Variants in COL8A1 observed in about 807,000 individuals in gnomAD.
COL8A1 encodes the protein collagen type VIII alpha 1 chain.
A neutral mutation model predicts 42.7 loss-of-function variants in COL8A1; 21 were observed. The ratio of observed to expected loss-of-function variants is 0.49; its 90% CI spans 0.35 to 0.71. COL8A1 has a LOEUF of 0.71. Among genes scored for constraint, COL8A1 ranks in the 30% least tolerant of loss-of-function variants. The probability of loss-of-function intolerance (pLI) is 0.01; values close to 1 mark genes in which losing one functional copy is unlikely to be tolerated. For synonymous variants in COL8A1, 367 were observed against 369.1 expected (o/e 0.99, Z 0.06); for missense variants, 788 against 962.4 (o/e 0.82, Z 2.40).
rs560412273 is a variant in COL8A1 at position 99,790,901 on chromosome 3, G to A, written c.219G>A (p.Glu73=). Residue 73 remains glutamate (E), a synonymous_variant, in exon 3 of 4, where the codon GAG becomes GAA. Coordinates refer to ENST00000652472, the MANE Select transcript of COL8A1 (RefSeq NM_020351.4). Reference sequence around the variant, plus strand: ...AAGATGGCCTTGCCATGGGCAAGGAGATGCCCCACTTGCAGTATGGCAAAG... The same window carrying A: ...AAGATGGCCTTGCCATGGGCAAGGAAATGCCCCACTTGCAGTATGGCAAAG... The part of the protein sequence containing the change: ...LAKDGLAMGK[E]MPHLQYGKEY... 3.1e-6 allele frequency: 5 copies of A among 1,614,148 alleles called. No individual in the cohort carries two copies. The South Asian group carries it at 5.5e-5, about 18-fold the overall frequency.
rs529445539 is a variant in COL8A1 at position 99,722,629 on chromosome 3, A to G, written c.-128-22268A>G. The stretch of plus-strand genomic sequence containing the variant: ...AGGAATACTTAGAACATATTCATAG[A>G]ATTGTTGAGTATTAAAGGTGAATAA... On this transcript the variant is annotated intron_variant, in intron 1 of 3. Transcript: ENST00000652472. Among the ~76,000 whole-genome samples the G allele has an allele frequency of 2.0e-5, 3 of 152,204 alleles. No homozygotes were observed. In the East Asian group the frequency reaches 5.8e-4, roughly 29 times the overall value.
chr3:99,766,205 T>C (rs1941460141), intron 2 of COL8A1, among the ~76,000 whole-genome samples: 1 of 152,198 alleles, frequency 6.6e-6, no homozygotes, highest in Non-Finnish European at 1.5e-5. Context: ...ACGATCCCCA[T>C]AGGGATTATT....
At position 99,795,464 on chromosome 3, in the gene COL8A1, G is replaced by A. The variant is rs370698028; in HGVS notation, c.1563G>A (p.Pro521=). The A allele has an allele frequency of 1.6e-5, 24 of 1,526,222 alleles. No homozygotes were observed. Among genetic ancestry groups the A allele is most frequent in the African/African-American group, 4.2e-5 (3 of 71,566 alleles). 94.5% of individuals were successfully genotyped at this position (1,526,222 alleles called of 1,614,324 possible). The change falls in exon 4 of 4, where the codon CCG becomes CCA. Residue 521 remains proline, a synonymous_variant. Coordinates refer to ENST00000652472, the MANE Select transcript of COL8A1 (RefSeq NM_020351.4). Reference sequence around the variant, plus strand: ...GGATTCCAGGCCCCAAAGGGGAGCCGGGCCTCCCAGGGCCCCCTGGGTTCC... The same window carrying A: ...GGATTCCAGGCCCCAAAGGGGAGCCAGGCCTCCCAGGGCCCCCTGGGTTCC... ...PPGIPGPKGE[P]GLPGPPGFPG...
intron 1 of COL8A1, among the ~76,000 whole-genome samples, chr3:99,724,438 G>C (rs960787753): frequency 6.6e-6 from 1 of 152,108 alleles, no homozygotes; most frequent in Non-Finnish European, 1.5e-5. Flanking sequence ...GCTCAGAGCA[G>C]TCTGCCATTG....
At chr3:99,737,054 C>T (rs1048983865) in intron 1 of COL8A1, among the ~76,000 whole-genome samples, 2 of 152,054 alleles carry the variant, frequency 1.3e-5, no homozygotes, top group East Asian at 1.9e-4. Flanking sequence ...AGGATTGCAA[C>T]CCTTGTCTTT....
In COL8A1 at chr3:99,730,423, A is replaced by G. The variant is rs192065592; in HGVS notation, c.-128-14474A>G. On this transcript the variant is annotated intron_variant, in intron 1 of 3. Coordinates refer to ENST00000652472, the MANE Select transcript of COL8A1 (RefSeq NM_020351.4). ...TTGAAATGTTATGACATATCTGTAAATGACAATTTAGATTTTGAGTCTTGT... is the reference window on the plus strand; with the variant it reads ...TTGAAATGTTATGACATATCTGTAAGTGACAATTTAGATTTTGAGTCTTGT... Among the ~76,000 whole-genome samples the G allele has an allele frequency of 3.2e-3, 485 of 152,230 alleles. 5 individuals carry two copies. Among genetic ancestry groups the G allele is most frequent in the African/African-American group, 0.011 (462 of 41,556 alleles).
intron 3 of COL8A1, 152 bp downstream of exon 3, chr3:99,791,162 G>C: frequency 1.4e-6 from 1 of 710,598 alleles, no homozygotes; most frequent in South Asian, 2.0e-5. Context: ...CCATATTCTT[G>C]AAAACTTCAA....
intron 1 of COL8A1, among the ~76,000 whole-genome samples, chr3:99,685,769 G>C (rs570529513): frequency 6.6e-6 from 1 of 152,270 alleles, no homozygotes; most frequent in East Asian, 1.9e-4. Context: ...GTAATAAATA[G>C]AGTAAGTTCT....
chr3:99,752,540 T>C (rs1941172768), intron 2 of COL8A1, among the ~76,000 whole-genome samples: 1 of 152,144 alleles, frequency 6.6e-6, no homozygotes, highest in Non-Finnish European at 1.5e-5. Flanking sequence ...CTCCTACTTA[T>C]CACCCAAGGT....
At chr3:99,774,628 C>G (rs1393822681) in intron 2 of COL8A1, among the ~76,000 whole-genome samples, 3 of 151,966 alleles carry the variant, frequency 2.0e-5, no homozygotes, top group Non-Finnish European at 4.4e-5. Flanking sequence ...CATATCCAGC[C>G]CAACACACGT....
At position 99,774,388 on chromosome 3, in the gene COL8A1, A is replaced by T. The variant is rs368012646; in HGVS notation, c.-3-16292A>T. 3.3e-5 allele frequency among the ~76,000 whole-genome samples: 5 copies of T among 152,090 alleles called. No individual in the cohort carries two copies. In the East Asian group the frequency reaches 9.6e-4, roughly 29 times the overall value. ...CACCTGTATAAGGCCAGGTACTCAT[A>T]GAGATCATTCAAAAGCTATTTATGT... On this transcript the variant is annotated intron_variant, in intron 2 of 3. Transcript: ENST00000652472.
intron 2 of COL8A1, among the ~76,000 whole-genome samples, chr3:99,773,447 T>C (rs1195864808): frequency 6.6e-6 from 1 of 152,154 alleles, no homozygotes; most frequent in East Asian, 1.9e-4. Flanking sequence ...TACACCTATA[T>C]GTTTCATGAG....
chr3:99,703,508 G>T (rs190017505), intron 1 of COL8A1: 6 of 152,296 alleles, frequency 3.9e-5, no homozygotes, highest in Non-Finnish European at 5.9e-5. Context: ...ATAGGGAGAA[G>T]AAACATCATT....
intron 2 of COL8A1, among the ~76,000 whole-genome samples, chr3:99,782,175 T>C (rs1169332607): frequency 1.3e-5 from 2 of 152,134 alleles, no homozygotes; most frequent in African/African-American, 4.8e-5. Context: ...CTAAACCACG[T>C]TTCTTATTTC....
intron 1 of COL8A1, among the ~76,000 whole-genome samples, chr3:99,693,047 T>C (rs774085973): frequency 2.0e-5 from 3 of 152,090 alleles, no homozygotes; most frequent in Non-Finnish European, 4.4e-5. Flanking sequence ...TAATCCCAGC[T>C]ACTTGAGAGG....
At chr3:99,655,540 G>A (rs1937991609) in intron 1 of COL8A1, among the ~76,000 whole-genome samples, 1 of 152,210 alleles carries the variant, frequency 6.6e-6, no homozygotes, top group Non-Finnish European at 1.5e-5. Flanking sequence ...CGCTCATTGG[G>A]TAAACAGTAT....
intron 1 of COL8A1, among the ~76,000 whole-genome samples, chr3:99,721,925 T>C (rs1392164030): frequency 6.6e-6 from 1 of 151,924 alleles, no homozygotes; most frequent in Non-Finnish European, 1.5e-5. Flanking sequence ...AACTGTGATG[T>C]GCCCTTTTCT....
At chr3:99,692,390 T>C (rs1429458438) in intron 1 of COL8A1, among the ~76,000 whole-genome samples, 2 of 152,234 alleles carry the variant, frequency 1.3e-5, no homozygotes, top group Non-Finnish European at 2.9e-5. Flanking sequence ...TAAACTAATA[T>C]TGAGTTTAAT....
intron 1 of COL8A1, among the ~76,000 whole-genome samples, chr3:99,643,932 T>C (rs907255550): frequency 2.0e-5 from 3 of 152,140 alleles, no homozygotes; most frequent in Non-Finnish European, 4.4e-5. Flanking sequence ...ATACCCATAA[T>C]GGATAATCAG....
Sources: gnomAD v4.1 joint callset for allele counts (sites outside exome capture counted in the v4.1 genomes callset) on GRCh38, gnomAD v4.1.1 for gene constraint, MANE v1.5 for transcripts, NCBI Gene and HGNC (gene_info 2026-07-23, HGNC 2026-07-21) for gene names.